The following KRT7 variants were observed in gnomAD, a reference collection of about 807,000 sequenced individuals.
KRT7 encodes the protein keratin, type II cytoskeletal 7.
Under a neutral mutation model 42.8 loss-of-function variants are expected in KRT7, and 50 were observed. That is an observed-to-expected ratio of 1.17 (90% CI 0.93 to 1.48). The LOEUF is 1.48. Ranked by LOEUF, KRT7 falls within the 40% of genes most tolerant of loss-of-function variation. KRT7 has a pLI of 0.00. For missense variants in KRT7, 588 were observed against 637.6 expected (o/e 0.92, Z 0.84); for synonymous variants, 268 against 266.3 (o/e 1.01, Z -0.06).
chr12:52,233,341 C>G lies in KRT7; in HGVS notation c.45C>G (p.Ala15=). 1 of 1,571,366 alleles carries G rather than the reference C, an allele frequency of 6.4e-7. No homozygotes were observed. Among genetic ancestry groups the G allele is most frequent in the South Asian group, 1.2e-5 (1 of 86,368 alleles). ...CCCCGGTATTCACCTCGCGCTCAGCCGCCTTCTCGGGCCGCGGCGCCCAGG... is the reference window on the plus strand; with the variant it reads ...CCCCGGTATTCACCTCGCGCTCAGCGGCCTTCTCGGGCCGCGGCGCCCAGG... ...FSSPVFTSRS[A]AFSGRGAQVR... is the part of the protein sequence containing the mutation. Residue 15 remains alanine (A), a synonymous_variant, in exon 1 of 9, where the codon GCC becomes GCG. Transcript: ENST00000331817.
At position 52,233,321 on chromosome 12, in the gene KRT7, G is replaced by A; in HGVS notation, c.25G>A (p.Val9Ile). Residue 9 changes from valine (V) to isoleucine (I), a missense_variant, in exon 1 of 9, where the codon GTA becomes ATA. Val to Ile is a conservative substitution (Grantham distance 29). Transcript: ENST00000331817. ...CATGTCCATCCACTTCAGCTCCCCG[G>A]TATTCACCTCGCGCTCAGCCGCCTT... MSIHFSSP[V>I]FTSRSAAFSG... 3 of 1,569,794 alleles carry A rather than the reference G, an allele frequency of 1.9e-6. No individual in the cohort carries two copies. Among genetic ancestry groups the A allele is most frequent in the Non-Finnish European group, 2.6e-6 (3 of 1,163,488 alleles).
At chr12:52,245,285 G>A in intron 6 of KRT7, 127 bp from the exon 7 acceptor site, 1 of 843,294 alleles carries the variant, frequency 1.2e-6, no homozygotes, top group Non-Finnish European at 1.9e-6. Context: ...GGATTCTCTG[G>A]TACTTGGGGG....
chr12:52,248,267 T>A, intron 8 of KRT7, 56 bp downstream of exon 8: 2 of 1,575,792 alleles, frequency 1.3e-6, no homozygotes, highest in South Asian at 1.1e-5. Context: ...TAGATGGGGC[T>A]GGGTCTAGAG....
At chr12:52,254,441 G>A (rs547577712), downstream of KRT7, 2 of 549,932 alleles carry the variant, frequency 3.6e-6, no homozygotes, top group South Asian at 1.5e-5. Flanking sequence ...CCAGGGAGGG[G>A]CACCCCATCA....
rs576213781 is a variant in KRT7 at position 52,237,135 on chromosome 12, A to T, written c.537-374A>T. Among the ~76,000 whole-genome samples, 3 of 152,274 alleles carry T rather than the reference A, an allele frequency of 2.0e-5. No homozygotes were observed. The South Asian group carries it at 6.2e-4, about 32-fold the overall frequency. Reference sequence around the variant, plus strand: ...CTCTGATAACCACAGTACCATCGTTATAGGTTTGCTGTGAGGATGAAATGA... The same window carrying T: ...CTCTGATAACCACAGTACCATCGTTTTAGGTTTGCTGTGAGGATGAAATGA... On this transcript the variant is annotated intron_variant, in intron 2 of 8. Transcript: ENST00000331817.
chr12:52,235,099 G>T, intron 1 of KRT7, 56 bp from the exon 2 acceptor site: 3 of 1,537,458 alleles, frequency 2.0e-6, no homozygotes, highest in Non-Finnish European at 2.7e-6. Context: ...CCTCAATCCC[G>T]CTGTGGGTGG....
chr12:52,238,777 T>G lies in KRT7; in HGVS notation c.693+2T>G. 1 of 1,587,610 alleles carries G rather than the reference T, an allele frequency of 6.3e-7. No homozygotes were observed. Among genetic ancestry groups the G allele is most frequent in the Non-Finnish European group, 8.7e-7 (1 of 1,155,830 alleles). ...TTCCTCAGGACCCTCAATGAGACGG[T>G]GAGGACCATGGAGCTGGGTGACATG... On this transcript the variant is annotated splice_donor_variant, in intron 4 of 8. Coordinates refer to ENST00000331817, the MANE Select transcript of KRT7 (RefSeq NM_005556.4). LOFTEE classifies it high-confidence loss of function.
rs988046486 is a variant in KRT7 at position 52,245,558 on chromosome 12, A to G, written c.1131A>G (p.Glu377=). The change falls in exon 7 of 9, where the codon GAA becomes GAG. Residue 377 remains glutamate (E), a synonymous_variant. Coordinates refer to ENST00000331817, the MANE Select transcript of KRT7 (RefSeq NM_005556.4). Reference sequence around the variant, plus strand: ...CACGGCAGCTGCGTGAGTACCAGGAACTCATGAGCGTGAAGCTGGCCCTGG... The same window carrying G: ...CACGGCAGCTGCGTGAGTACCAGGAGCTCATGAGCGTGAAGCTGGCCCTGG... ...DMARQLREYQ[E]LMSVKLALDI... 4.3e-6 allele frequency: 7 copies of G among 1,614,088 alleles called. No individual in the cohort carries two copies. The highest frequency in any genetic ancestry group is 3.3e-4 in the Middle Eastern group (2 of 6,004).
chr12:52,248,508 C>A, intron 8 of KRT7, 83 bp from the exon 9 acceptor site: 1 of 1,362,376 alleles, frequency 7.3e-7, no homozygotes, highest in Non-Finnish European at 1.0e-6. Flanking sequence ...GCAGCTGGGG[C>A]AGGAGGGTGG....
At chr12:52,248,295 G>C (rs1166265145) in intron 8 of KRT7, 84 bp downstream of exon 8, 25 of 1,402,772 alleles carry the variant, frequency 1.8e-5, no homozygotes, top group Non-Finnish European at 2.4e-5. Flanking sequence ...GACTGGCCCA[G>C]GGCCCTGCTG....
Position 52,245,402 on chromosome 12 carries a change from C to A in KRT7, c.985-10C>A, listed in dbSNP as rs777106603. 17 of 1,612,680 alleles carry A rather than the reference C, an allele frequency of 1.1e-5. No homozygotes were observed. The highest frequency in any genetic ancestry group is 6.7e-5 in the Admixed American group (4 of 59,898). On this transcript the variant is annotated splice_polypyrimidine_tract_variant and intron_variant, in intron 6 of 8. Coordinates refer to ENST00000331817, the MANE Select transcript of KRT7 (RefSeq NM_005556.4). ...TGAGCCCCAGCTTACAGCTGCACTG[C>A]TGCCCACAGCGTGCCAAGTTGGAGG...
chr12:52,252,597 C>G, downstream of KRT7: 1 of 1,342,046 alleles, frequency 7.5e-7, no homozygotes, highest in South Asian at 1.4e-5. Flanking sequence ...TTTGTTAGGC[C>G]AGGGGTTGCA....
At chr12:52,251,570 C>T (rs2121127209), downstream of KRT7, among the ~76,000 whole-genome samples, 1 of 152,298 alleles carries the variant, frequency 6.6e-6, no homozygotes, top group Non-Finnish European at 1.5e-5. Context: ...GTACTGAAGA[C>T]TAAAGGCAAC....
At position 52,235,285 on chromosome 12, in the gene KRT7, T is replaced by C. The variant is rs748353764; in HGVS notation, c.455T>C (p.Leu152Pro). The C allele has an allele frequency of 1.9e-6, 3 of 1,614,028 alleles. No homozygotes were observed. Among genetic ancestry groups the C allele is most frequent in the Non-Finnish European group, 2.5e-6 (3 of 1,180,014 alleles). The change falls in exon 2 of 9, where the codon CTT (leucine) becomes CCT (proline). Residue 152 changes from leucine (L) to proline (P), a missense_variant. Transcript: ENST00000331817. ...CAGATTGCTGGCCTTCGGGGTCAGC[T>C]TGAGGCACTGCAGGTGGATGGGGGC... The part of the protein sequence containing the change: ...EAQIAGLRGQ[L>P]EALQVDGGRL...
chr12:52,233,589 T>C lies in KRT7; in HGVS notation c.293T>C (p.Leu98Pro). The C allele has an allele frequency of 6.2e-7, 1 of 1,612,900 alleles. No homozygotes were observed. The highest frequency in any genetic ancestry group is 8.5e-7 in the Non-Finnish European group (1 of 1,179,740). The part of the protein sequence containing the change: ...RQEESEQIKT[L>P]NNKFASFIDK... ...GAGGAGAGCGAGCAGATCAAGACCCTCAACAACAAGTTTGCCTCCTTCATC... is the reference window on the plus strand; with the variant it reads ...GAGGAGAGCGAGCAGATCAAGACCCCCAACAACAAGTTTGCCTCCTTCATC... Residue 98 changes from leucine to proline, a missense_variant, in exon 1 of 9, where the codon CTC (leucine) becomes CCC (proline). Leu to Pro is a moderately conservative substitution (Grantham distance 98). Coordinates refer to ENST00000331817, the MANE Select transcript of KRT7 (RefSeq NM_005556.4).
chr12:52,246,663 G>A (rs994164326), intron 7 of KRT7, among the ~76,000 whole-genome samples: 5 of 152,168 alleles, frequency 3.3e-5, no homozygotes, highest in African/African-American at 1.2e-4. Context: ...TTCTCCCTGG[G>A]TTAGCACCCA....
chr12:52,233,703 GC>G, intron 1 of KRT7, 83 bp downstream of exon 1: 1 of 1,404,004 alleles, frequency 7.1e-7, no homozygotes. Flanking sequence ...CTGCGCGCGG[GC>G]CAGGCGCTGG....
chr12:52,245,270 C>T (rs962107731), intron 6 of KRT7, 142 bp from the exon 7 acceptor site: 1 of 773,722 alleles, frequency 1.3e-6, no homozygotes, highest in East Asian at 2.7e-5. Flanking sequence ...TGTGTTTAAC[C>T]CTTAGGATTC....
Position 52,245,420 on chromosome 12 carries a change from G to T in KRT7, c.993G>T (p.Lys331Asn). Residue 331 changes from lysine to asparagine, a missense_variant, in exon 7 of 9, where the codon AAG (lysine) becomes AAT (asparagine). Physicochemically the swap from Lys to Asn is moderately conservative, Grantham distance 94. Coordinates refer to ENST00000331817, the MANE Select transcript of KRT7 (RefSeq NM_005556.4). The part of the protein sequence containing the change: ...EIDNIKNQRA[K>N]LEAAIAEAEE... The stretch of plus-strand genomic sequence containing the variant: ...TGCACTGCTGCCCACAGCGTGCCAA[G>T]TTGGAGGCCGCCATTGCCGAGGCTG... 2 of 1,613,790 alleles carry T rather than the reference G, an allele frequency of 1.2e-6. No individual in the cohort carries two copies. Among genetic ancestry groups the T allele is most frequent in the Non-Finnish European group, 1.7e-6 (2 of 1,179,980 alleles).
Sources: allele counts gnomAD v4.1 joint callset (sites outside exome capture counted in the v4.1 genomes callset), GRCh38; gene constraint gnomAD v4.1.1; transcripts MANE v1.5; gene names NCBI Gene and HGNC (gene_info 2026-07-23, HGNC 2026-07-21).